RPSA2: variants seen among roughly 807,000 people sequenced by gnomAD.
RPSA2 encodes the protein ribosomal protein SA 2, also known as small ribosomal subunit protein uS2B.
the RPSA2 span, among the ~76,000 whole-genome samples, chr19:23,820,301 A>T: frequency 6.6e-6 from 1 of 152,132 alleles, no homozygotes; most frequent in Non-Finnish European, 1.5e-5. Flanking sequence ...TTCCCATGTG[A>T]GTTCCTTGGT....
chr19:23,808,958 G>A, the RPSA2 span: 3 of 240,862 alleles, frequency 1.2e-5, no homozygotes, highest in South Asian at 5.5e-5. Context: ...ATACTCTCAC[G>A]TAGGGGCATC....
chr19:23,854,481 A>G, the RPSA2 span, among the ~76,000 whole-genome samples: 2 of 152,066 alleles, frequency 1.3e-5, no homozygotes, highest in Middle Eastern at 3.2e-3. Context: ...TGAAGTGGGA[A>G]CACATTGGTC....
chr19:23,829,211 G>A, the RPSA2 span, among the ~76,000 whole-genome samples: 1 of 151,990 alleles, frequency 6.6e-6, no homozygotes, highest in Non-Finnish European at 1.5e-5. Context: ...ATTTTATTAT[G>A]CATTTTATTT....
the RPSA2 span, among the ~76,000 whole-genome samples, chr19:23,783,860 A>T: frequency 6.6e-6 from 1 of 152,186 alleles, no homozygotes; most frequent in Non-Finnish European, 1.5e-5. Context: ...GTCTTGTGAC[A>T]TATATCTGAG....
the RPSA2 span, among the ~76,000 whole-genome samples, chr19:23,856,609 T>A: frequency 2.0e-5 from 3 of 152,174 alleles, no homozygotes; most frequent in Non-Finnish European, 2.9e-5. Context: ...TAAAACCATG[T>A]TGGCATGCCA....
chr19:23,820,052 C>A, the RPSA2 span, among the ~76,000 whole-genome samples: 1 of 152,162 alleles, frequency 6.6e-6, no homozygotes, highest in Non-Finnish European at 1.5e-5. Flanking sequence ...AAAGCCTTGA[C>A]CCATCCTGAA....
chr19:23,854,109 G>A, the RPSA2 span, among the ~76,000 whole-genome samples: 560 of 151,604 alleles, frequency 3.7e-3, 4 homozygotes, highest in African/African-American at 0.013. Context: ...AAAAGTAATT[G>A]AGCAACTGAC....
chr19:23,866,188 G>T, the RPSA2 span, among the ~76,000 whole-genome samples: 1 of 152,194 alleles, frequency 6.6e-6, no homozygotes, highest in South Asian at 2.1e-4. Context: ...TTCCTGAAGA[G>T]GGAGTTACAG....
the RPSA2 span, among the ~76,000 whole-genome samples, chr19:23,845,637 G>A: frequency 1.3e-5 from 2 of 152,150 alleles, no homozygotes; most frequent in Non-Finnish European, 2.9e-5. Context: ...TATCATAGGT[G>A]CGCAGCACCA....
the RPSA2 span, among the ~76,000 whole-genome samples, chr19:23,787,801 A>G: frequency 7.2e-5 from 11 of 152,174 alleles, no homozygotes; most frequent in Admixed American, 7.2e-4. Flanking sequence ...TAATGAACTA[A>G]GTACCAAAGC....
At chr19:23,784,185 T>C in the RPSA2 span, among the ~76,000 whole-genome samples, 2 of 152,224 alleles carry the variant, frequency 1.3e-5, no homozygotes, top group Non-Finnish European at 2.9e-5. Context: ...TCCTGGCTCT[T>C]CTTTCTGTAC....
the RPSA2 span, among the ~76,000 whole-genome samples, chr19:23,841,260 C>A: frequency 5.3e-5 from 8 of 152,074 alleles, no homozygotes; most frequent in South Asian, 2.1e-4. Context: ...GTCAGGAGAT[C>A]GAGACCATCC....
At chr19:23,813,883 C>T in the RPSA2 span, among the ~76,000 whole-genome samples, 7 of 151,610 alleles carry the variant, frequency 4.6e-5, no homozygotes, top group East Asian at 4.0e-4. Flanking sequence ...CCACCACACC[C>T]GGCTAATTTT....
chr19:23,856,187 T>A, the RPSA2 span, among the ~76,000 whole-genome samples: 31 of 151,664 alleles, frequency 2.0e-4, no homozygotes, highest in South Asian at 2.5e-3. Flanking sequence ...CTGCAGGGGG[T>A]TATGGGATTG....
chr19:23,821,964 G>A, the RPSA2 span, among the ~76,000 whole-genome samples: 2 of 152,122 alleles, frequency 1.3e-5, no homozygotes, highest in African/African-American at 4.8e-5. Context: ...AAGCTGGGTG[G>A]CATTCATGCC....
the RPSA2 span, among the ~76,000 whole-genome samples, chr19:23,864,618 T>C: frequency 4.6e-5 from 7 of 152,302 alleles, no homozygotes; most frequent in East Asian, 1.2e-3. Flanking sequence ...AGTTGGCTTA[T>C]ATATATTCAT....
chr19:23,856,654 T>G, the RPSA2 span, among the ~76,000 whole-genome samples: 30 of 152,250 alleles, frequency 2.0e-4, no homozygotes, highest in African/African-American at 7.2e-4. Flanking sequence ...TATTTCAACA[T>G]AGGTTCTTTC....
the RPSA2 span, among the ~76,000 whole-genome samples, chr19:23,781,006 G>A: frequency 3.3e-5 from 5 of 152,098 alleles, no homozygotes; most frequent in Admixed American, 2.0e-4. Flanking sequence ...AGACAGTCTC[G>A]CTCTGTCACC....
At chr19:23,846,195 T>A in the RPSA2 span, among the ~76,000 whole-genome samples, 1 of 152,174 alleles carries the variant, frequency 6.6e-6, no homozygotes, top group African/African-American at 2.4e-5. Context: ...TACTTTTAGT[T>A]TATATGTATC....
Sources: gnomAD v4.1 joint callset for allele counts (sites outside exome capture counted in the v4.1 genomes callset) on GRCh38, gnomAD v4.1.1 for gene constraint, MANE v1.5 for transcripts, NCBI Gene and HGNC (gene_info 2026-07-23, HGNC 2026-07-21) for gene names.